Variants in MAP1S observed in about 807,000 individuals in gnomAD.
The protein encoded by MAP1S is microtubule-associated protein 1S.
MAP1S carries 27 observed loss-of-function variants against 60.9 expected under a neutral mutation model. The ratio of observed to expected loss-of-function variants is 0.44; its 90% CI spans 0.33 to 0.61. The LOEUF is 0.61. Ranked by LOEUF, MAP1S falls within the 20% of genes least tolerant of loss-of-function variation. MAP1S has a pLI of 0.03. For synonymous variants in MAP1S, 826 were observed against 694.2 expected (o/e 1.19, Z -2.98); for missense variants, 1,608 against 1,486.6 (o/e 1.08, Z -1.34).
chr19:17,725,255 G>A lies in MAP1S; in HGVS notation c.444+66G>A. On this transcript the variant is annotated intron_variant, in intron 4 of 6. Transcript: ENST00000324096. This position sits in a 1 kb window ranked among gnomAD's most constrained non-coding sequence, Gnocchi z 4.2. ...AATCCTGACTGGGGTGTATCAGGCT[G>A]TGTGGCACCAGCGACCTGCTGTTTT... 6.5e-7 allele frequency: 1 copy of A among 1,534,016 alleles called. No homozygotes were observed. Among genetic ancestry groups the A allele is most frequent in the Non-Finnish European group, 8.8e-7 (1 of 1,138,976 alleles).
rs775037607 is a variant in MAP1S, at chr19:17,720,941, C to A, written c.124C>A (p.Arg42=). The A allele has an allele frequency of 8.1e-6, 13 of 1,613,404 alleles. No individual in the cohort carries two copies. In the African/African-American group the frequency reaches 1.7e-4, roughly 22 times the overall value. The change falls in exon 2 of 7, where the codon CGG becomes AGG. Residue 42 remains arginine, a synonymous_variant. Coordinates refer to ENST00000324096, the MANE Select transcript of MAP1S (RefSeq NM_018174.6). The stretch of plus-strand genomic sequence containing the variant: ...TGATCCCTCCTTCCCACCAGGCATC[C>A]GGTCTTGGGATGTCGATCCTGGCGT... The part of the protein sequence containing the change: ...YVLEELERGI[R]SWDVDPGVCN...
intron 6 of MAP1S, among the ~76,000 whole-genome samples, 171 bp from the exon 7 acceptor site, chr19:17,734,102 G>A (rs1309959017): frequency 3.3e-5 from 5 of 152,124 alleles, no homozygotes; most frequent in Admixed American, 2.6e-4. Context: ...CCTCACAGAC[G>A]GGCTGACCAC....
In MAP1S at chr19:17,725,074, C is replaced by T; in HGVS notation, c.329C>T (p.Ala110Val). Residue 110 changes from alanine (A) to valine (V), a missense_variant, in exon 4 of 7, where the codon GCC becomes GTC. By Grantham distance (64) the Ala-to-Val change is moderately conservative (BLOSUM62 0). Coordinates refer to ENST00000324096, the MANE Select transcript of MAP1S (RefSeq NM_018174.6). This position sits in a 1 kb window ranked among gnomAD's most constrained non-coding sequence, Gnocchi z 4.2. ...CTCCGGAACCTTCTGTTGGACCCTGCCTCTCACAAGCTACTGGTGTTGGCT... is the reference window on the plus strand; with the variant it reads ...CTCCGGAACCTTCTGTTGGACCCTGTCTCTCACAAGCTACTGGTGTTGGCT... ...DELRNLLLDP[A>V]SHKLLVLAGP... The T allele has an allele frequency of 6.2e-7, 1 of 1,614,182 alleles. No individual in the cohort carries two copies. The highest frequency in any genetic ancestry group is 8.5e-7 in the Non-Finnish European group (1 of 1,180,028).
chr19:17,733,701 G>C (rs1455047434), intron 6 of MAP1S, among the ~76,000 whole-genome samples: 1 of 152,212 alleles, frequency 6.6e-6, no homozygotes, highest in Non-Finnish European at 1.5e-5. Flanking sequence ...TTGTCACTTA[G>C]CCATTGTTCC....
intron 5 of MAP1S, among the ~76,000 whole-genome samples, chr19:17,728,564 T>C (rs1283151023): frequency 6.6e-6 from 1 of 152,204 alleles, no homozygotes; most frequent in East Asian, 1.9e-4. Flanking sequence ...TGTTCTTTTT[T>C]TTTTTTTTGA....
intron 1 of MAP1S, chr19:17,720,086 C>G (rs753039164): frequency 7.1e-5 from 83 of 1,163,678 alleles, no homozygotes; most frequent in Admixed American, 4.8e-5. Flanking sequence ...TTTCTGTTGC[C>G]TCACAAGGAG....
intron 3 of MAP1S, 116 bp downstream of exon 3, chr19:17,724,324 AC>A: frequency 1.2e-6 from 1 of 804,306 alleles, no homozygotes; most frequent in Non-Finnish European, 2.1e-6. Context: ...GACACCCGGC[AC>A]CACACTTCTT....
chr19:17,722,168 A>G (rs969551058), intron 2 of MAP1S, among the ~76,000 whole-genome samples: 2 of 149,438 alleles, frequency 1.3e-5, no homozygotes, highest in African/African-American at 2.5e-5. Flanking sequence ...AAAGCGTGCT[A>G]AGGCTGGGTG....
intron 6 of MAP1S, among the ~76,000 whole-genome samples, chr19:17,733,922 C>A (rs150282147): frequency 6.6e-6 from 1 of 152,170 alleles, no homozygotes; most frequent in South Asian, 2.1e-4. Flanking sequence ...GTAGGGTGCA[C>A]GACCCAGGAA....
chr19:17,726,834 A>C lies in MAP1S; in HGVS notation c.1450A>C (p.Arg484=), dbSNP rs1006069282. 11 of 1,554,940 alleles carry C rather than the reference A, an allele frequency of 7.1e-6. No homozygotes were observed. In the African/African-American group the frequency reaches 1.2e-4, roughly 17 times the overall value. ...ESVGSRDSSK[R]EGLLATHPRP... Reference sequence around the variant, plus strand: ...CGTGGGCTCCCGGGACAGCTCGAAGAGAGAGGGCCTCCTGGCCACCCACCC... The same window carrying C: ...CGTGGGCTCCCGGGACAGCTCGAAGCGAGAGGGCCTCCTGGCCACCCACCC... Residue 484 remains arginine, a synonymous_variant, in exon 5 of 7, where the codon AGA becomes CGA. Transcript: ENST00000324096.
rs770051124 is a variant in MAP1S at position 17,727,143 on chromosome 19, C to G, written c.1759C>G (p.Arg587Gly). The G allele has an allele frequency of 6.3e-7, 1 of 1,590,998 alleles. No individual in the cohort carries two copies. The highest frequency in any genetic ancestry group is 1.7e-5 in the Admixed American group (1 of 58,282). The change falls in exon 5 of 7, where the codon CGA becomes GGA. Residue 587 changes from arginine (R) to glycine (G), a missense_variant. Arg to Gly is a moderately radical substitution (Grantham distance 125). Around this residue, in one of 4 missense-constraint regions of MAP1S, gnomAD observed 1,167 missense variants for 961.4 expected, o/e 1.21. Coordinates refer to ENST00000324096, the MANE Select transcript of MAP1S (RefSeq NM_018174.6). This position sits in a 1 kb window ranked among gnomAD's most constrained non-coding sequence, Gnocchi z 4.1. ...ANGPRSPPSL[R>G]CGEASPPSAA... ...TGGACCCCGCAGCCCGCCCAGCCTCCGATGTGGAGAAGCCAGCCCCCCCAG... is the reference window on the plus strand; with the variant it reads ...TGGACCCCGCAGCCCGCCCAGCCTCGGATGTGGAGAAGCCAGCCCCCCCAG...
chr19:17,732,692 A>C (rs2080502574), intron 5 of MAP1S, among the ~76,000 whole-genome samples: 1 of 152,190 alleles, frequency 6.6e-6, no homozygotes, highest in Non-Finnish European at 1.5e-5. Flanking sequence ...AGTGAACCAG[A>C]CAAATGCTGC....
rs2145970586 is a variant in MAP1S, at chr19:17,720,950, G to A, written c.133G>A (p.Asp45Asn). Residue 45 changes from aspartate (D) to asparagine (N), a missense_variant, in exon 2 of 7, where the codon GAT (aspartate) becomes AAT (asparagine). Asp to Asn is a conservative substitution (Grantham distance 23, BLOSUM62 1). Coordinates refer to ENST00000324096, the MANE Select transcript of MAP1S (RefSeq NM_018174.6). The part of the protein sequence containing the change: ...EELERGIRSW[D>N]VDPGVCNLDE... Reference sequence around the variant, plus strand: ...CTTCCCACCAGGCATCCGGTCTTGGGATGTCGATCCTGGCGTCTGCAACCT... The same window carrying A: ...CTTCCCACCAGGCATCCGGTCTTGGAATGTCGATCCTGGCGTCTGCAACCT... 2 of 1,614,038 alleles carry A rather than the reference G, an allele frequency of 1.2e-6. No homozygotes were observed.
chr19:17,726,074 G>C lies in MAP1S; in HGVS notation c.690G>C (p.Pro230=), dbSNP rs116714292. 6.2e-7 allele frequency: 1 copy of C among 1,613,698 alleles called. No individual in the cohort carries two copies. Among genetic ancestry groups the C allele is most frequent in the African/African-American group, 1.3e-5 (1 of 75,040 alleles). Residue 230 remains proline (P), a synonymous_variant, in exon 5 of 7, where the codon CCG becomes CCC. Coordinates refer to ENST00000324096, the MANE Select transcript of MAP1S (RefSeq NM_018174.6). The part of the protein sequence containing the change: ...PPSPFELLEP[P]TSGGFLRLGR... ...CCCCCTTCGAGCTGCTGGAGCCCCC[G>C]ACCTCCGGGGGCTTCCTCAGGCTGG...
chr19:17,719,511 G>C lies in MAP1S; in HGVS notation c.9G>C (p.Ala3=). Reference sequence around the variant, plus strand: ...GCCGGGGCGGCCCGAAGATGGCGGCGGTGGCTGGATCTGGGGCTGCCGCGG... The same window carrying C: ...GCCGGGGCGGCCCGAAGATGGCGGCCGTGGCTGGATCTGGGGCTGCCGCGG... MA[A]VAGSGAAAAP... Residue 3 remains alanine (A), a synonymous_variant, in exon 1 of 7, where the codon GCG becomes GCC. Transcript: ENST00000324096. The C allele has an allele frequency of 8.0e-7, 1 of 1,245,368 alleles. No homozygotes were observed. The highest frequency in any genetic ancestry group is 1.0e-6 in the Non-Finnish European group (1 of 987,526). The allele number at this position is 1,245,368 out of a possible 1,614,324, so 77.1% of individuals were successfully genotyped here.
chr19:17,730,652 G>A (rs1441350891), intron 5 of MAP1S, among the ~76,000 whole-genome samples: 11 of 152,164 alleles, frequency 7.2e-5, no homozygotes, highest in Non-Finnish European at 2.9e-5. Flanking sequence ...GTTTTCCGTT[G>A]CTGAGTTTTA....
In MAP1S at chr19:17,725,341, T is replaced by G; in HGVS notation, c.444+152T>G. On this transcript the variant is annotated intron_variant, in intron 4 of 6. Coordinates refer to ENST00000324096, the MANE Select transcript of MAP1S (RefSeq NM_018174.6). The surrounding 1 kb of genome is among the most constrained non-coding windows in gnomAD (Gnocchi z 4.2). ...AGTGGTGACACATGCCTCCTGGCTG[T>G]CTGGGGTCAGTCCCATTGCCCGCGA... The G allele has an allele frequency of 1.1e-6, 1 of 951,374 alleles. No homozygotes were observed. Among genetic ancestry groups the G allele is most frequent in the Non-Finnish European group, 1.5e-6 (1 of 652,130 alleles). 58.9% of individuals were successfully genotyped at this position (951,374 alleles called of 1,614,324 possible).
At position 17,726,147 on chromosome 19, in the gene MAP1S, T is replaced by G. The variant is rs1267194421; in HGVS notation, c.763T>G (p.Phe255Val). ...IFPGGLGDAA[F>V]FAVNGFTVLV... ...CCCTGGAGGCCTCGGGGATGCCGCC[T>G]TCTTCGCCGTCAATGGCTTCACTGT... Residue 255 changes from phenylalanine (F) to valine (V), a missense_variant, in exon 5 of 7, where the codon TTC (phenylalanine) becomes GTC (valine). Phe to Val is a conservative substitution (Grantham distance 50, BLOSUM62 -1). Around this residue, in one of 4 missense-constraint regions of MAP1S, gnomAD observed 320 missense variants for 393.1 expected, o/e 0.81. Coordinates refer to ENST00000324096, the MANE Select transcript of MAP1S (RefSeq NM_018174.6). 4.3e-6 allele frequency: 7 copies of G among 1,613,772 alleles called. No homozygotes were observed. In the African/African-American group the frequency reaches 5.3e-5, roughly 12 times the overall value.
intron 2 of MAP1S, among the ~76,000 whole-genome samples, chr19:17,722,491 A>G (rs979451012): frequency 5.9e-5 from 9 of 152,080 alleles, no homozygotes; most frequent in Non-Finnish European, 1.0e-4. Flanking sequence ...GCTCACACCT[A>G]TAATCCCAGC....
Sources: gnomAD v4.1 joint callset for allele counts (sites outside exome capture counted in the v4.1 genomes callset) on GRCh38, gnomAD v4.1.1 for gene constraint, gnomAD v4.1.1 regional missense constraint, Gnocchi (gnomAD v3.1) non-coding constraint, MANE v1.5 for transcripts, NCBI Gene and HGNC (gene_info 2026-07-23, HGNC 2026-07-21) for gene names.